The following TENM2 variants were observed in gnomAD, a reference collection of about 807,000 sequenced individuals.
TENM2 encodes the protein teneurin transmembrane protein 2, also known as teneurin-2.
A neutral mutation model predicts 245.2 loss-of-function variants in TENM2; 52 were observed. The observed-to-expected ratio is 0.21, with a 90% CI of 0.17 to 0.27. The LOEUF (loss-of-function observed/expected upper bound fraction) is 0.27, where lower values mean the gene tolerates loss of function less well. Among genes scored for constraint, TENM2 ranks in the 10% least tolerant of loss-of-function variants. TENM2 has a pLI of 1.00. For synonymous variants in TENM2, 1,363 were observed against 1,438.9 expected (o/e 0.95, Z 1.19); for missense variants, 3,046 against 3,666.8 (o/e 0.83, Z 4.37).
intron 1 of TENM2, among the ~76,000 whole-genome samples, chr5:167,323,593 T>C (rs781642905): frequency 2.0e-5 from 3 of 152,150 alleles, no homozygotes; most frequent in Non-Finnish European, 2.9e-5. Context: ...TGTGCTAATT[T>C]TGAAGAAGTC....
chr5:167,312,011 C>T (rs990715438), intron 1 of TENM2, among the ~76,000 whole-genome samples: 2 of 152,128 alleles, frequency 1.3e-5, no homozygotes, highest in Non-Finnish European at 2.9e-5. Context: ...ACCTCAATTT[C>T]TTTGCAATAG....
chr5:167,275,266 G>C, the TENM2 span, among the ~76,000 whole-genome samples: 5 of 151,890 alleles, frequency 3.3e-5, no homozygotes, highest in Non-Finnish European at 5.9e-5. Flanking sequence ...GATTCCTGTG[G>C]CTCTATAAGT....
chr5:167,440,173 T>C (rs1396260461), intron 2 of TENM2, among the ~76,000 whole-genome samples: 1 of 152,210 alleles, frequency 6.6e-6, no homozygotes, highest in Non-Finnish European at 1.5e-5. Flanking sequence ...TAGGGTCATA[T>C]TTTCATGTCT....
At chr5:168,089,527 G>A (rs1792744090) in intron 7 of TENM2, among the ~76,000 whole-genome samples, 1 of 152,148 alleles carries the variant, frequency 6.6e-6, no homozygotes, top group African/African-American at 2.4e-5. Context: ...TGACCACTCT[G>A]TCTCTCATTA....
intron 2 of TENM2, among the ~76,000 whole-genome samples, chr5:167,631,042 T>G (rs1481269466): frequency 6.6e-6 from 1 of 152,190 alleles, no homozygotes; most frequent in Non-Finnish European, 1.5e-5. Context: ...ATACATTGAG[T>G]GTCTACCGTG....
At chr5:167,329,122 A>T (rs1389585082) in intron 1 of TENM2, among the ~76,000 whole-genome samples, 1 of 152,166 alleles carries the variant, frequency 6.6e-6, no homozygotes, top group African/African-American at 2.4e-5. Context: ...GCTTCATGCA[A>T]CAACAACCCC....
chr5:168,117,352 G>A (rs1795153610), intron 9 of TENM2, among the ~76,000 whole-genome samples: 1 of 152,070 alleles, frequency 6.6e-6, no homozygotes, highest in Non-Finnish European at 1.5e-5. Flanking sequence ...GAGGCACAAT[G>A]ACAGTAGTCC....
chr5:167,039,941 C>A, the TENM2 span, among the ~76,000 whole-genome samples: 1 of 152,132 alleles, frequency 6.6e-6, no homozygotes, highest in Non-Finnish European at 1.5e-5. Flanking sequence ...CATTGTGGGG[C>A]TTAGTCCTCA....
At chr5:167,369,997 A>G (rs184753524) in intron 1 of TENM2, among the ~76,000 whole-genome samples, 61 of 152,306 alleles carry the variant, frequency 4.0e-4, no homozygotes, top group African/African-American at 1.4e-3. Context: ...CCCAAATAGA[A>G]TTAGTGGGTC....
At chr5:167,594,791 T>C (rs1776093662) in intron 2 of TENM2, among the ~76,000 whole-genome samples, 1 of 152,204 alleles carries the variant, frequency 6.6e-6, no homozygotes, top group African/African-American at 2.4e-5. Flanking sequence ...CGATCATATG[T>C]TATCCCAGAT....
chr5:167,130,961 TGTTGG>T, the TENM2 span, among the ~76,000 whole-genome samples: 1 of 144,650 alleles, frequency 6.9e-6, no homozygotes, highest in Non-Finnish European at 1.5e-5. Context: ...TTAGCCTGTG[TGTTGG>T]TTAGCTGCTG....
At chr5:168,065,642 T>G (rs1790428956) in intron 7 of TENM2, among the ~76,000 whole-genome samples, 1 of 152,122 alleles carries the variant, frequency 6.6e-6, no homozygotes, top group Admixed American at 6.5e-5. Flanking sequence ...ATAAATTAAT[T>G]TCTAGTTTCT....
chr5:167,172,511 T>C, the TENM2 span, among the ~76,000 whole-genome samples: 4 of 152,304 alleles, frequency 2.6e-5, no homozygotes, highest in African/African-American at 7.2e-5. Context: ...CCCTAGCTCT[T>C]GACTAGTCTT....
chr5:166,982,762 C>T, the TENM2 span, among the ~76,000 whole-genome samples: 1 of 151,438 alleles, frequency 6.6e-6, no homozygotes, highest in Non-Finnish European at 1.5e-5. Flanking sequence ...CTTCAGGGAA[C>T]ATTGCAAGAC....
At chr5:167,868,960 A>G (rs1327337995) in intron 2 of TENM2, among the ~76,000 whole-genome samples, 1 of 152,064 alleles carries the variant, frequency 6.6e-6, no homozygotes, top group Non-Finnish European at 1.5e-5. Context: ...CTCTACATAT[A>G]ACATCTCCAC....
chr5:167,146,720 T>C, the TENM2 span, among the ~76,000 whole-genome samples: 1 of 152,164 alleles, frequency 6.6e-6, no homozygotes, highest in African/African-American at 2.4e-5. Context: ...TCTCCGATAT[T>C]CTTCACTAGC....
At position 167,762,461 on chromosome 5, in the gene TENM2, C is replaced by T. The variant is rs1047866103; in HGVS notation, c.503-113525C>T. ...GAGAGATGCTTCCCTCCCTTCCTCTCGTTATTTTCGTCTATTTCTCTTGCC... is the reference window on the plus strand; with the variant it reads ...GAGAGATGCTTCCCTCCCTTCCTCTTGTTATTTTCGTCTATTTCTCTTGCC... On this transcript the variant is annotated intron_variant, in intron 2 of 28. Coordinates refer to ENST00000518659, the Ensembl canonical transcript of TENM2. Among the ~76,000 whole-genome samples the T allele has an allele frequency of 7.9e-5, 12 of 152,308 alleles. No individual in the cohort carries two copies. The East Asian group carries it at 1.7e-3, about 22-fold the overall frequency.
the TENM2 span, among the ~76,000 whole-genome samples, chr5:167,257,867 A>C: frequency 5.9e-5 from 9 of 152,224 alleles, no homozygotes; most frequent in African/African-American, 1.2e-4. Flanking sequence ...CCAAAGAAGG[A>C]CAATAGTCTG....
chr5:167,356,546 G>A (rs373397383), intron 1 of TENM2, among the ~76,000 whole-genome samples: 1 of 152,212 alleles, frequency 6.6e-6, no homozygotes, highest in Admixed American at 6.5e-5. Context: ...CCCTGGGTAT[G>A]CCTTGCCAGA....
Sources: allele counts gnomAD v4.1 joint callset (sites outside exome capture counted in the v4.1 genomes callset), GRCh38; gene constraint gnomAD v4.1.1; transcripts MANE v1.5; gene names NCBI Gene and HGNC (gene_info 2026-07-23, HGNC 2026-07-21).